The following SPHK1 variants were observed in gnomAD, a reference collection of about 807,000 sequenced individuals.
SPHK1 encodes the protein sphingosine kinase 1.
SPHK1 carries 10 observed loss-of-function variants against 14.6 expected under a neutral mutation model. That is an observed-to-expected ratio of 0.68 (90% CI 0.42 to 1.16). The LOEUF is 1.16. SPHK1 is among the 50% of genes most tolerant of loss of function. The pLI, the probability that SPHK1 is intolerant of heterozygous loss-of-function variation, is 0.00. For synonymous variants in SPHK1, 274 were observed against 224.0 expected, an observed-to-expected ratio of 1.22 and a Z score of -1.99; for missense variants, 553 against 525.4, an observed-to-expected ratio of 1.05 and a Z score of -0.51.
rs2071966757 is a variant in SPHK1, at chr17:76,385,839, A to G, written c.11-146A>G. The G allele has an allele frequency of 2.7e-6, 4 of 1,466,626 alleles. No individual in the cohort carries two copies. Among genetic ancestry groups the G allele is most frequent in the South Asian group, 1.3e-5 (1 of 79,664 alleles). The allele number at this position is 1,466,626 out of a possible 1,614,324, so 90.9% of individuals were successfully genotyped here. On this transcript the variant is annotated intron_variant, in intron 2 of 5. Transcript: ENST00000592299. The surrounding 1 kb of genome is among the most constrained non-coding windows in gnomAD (Gnocchi z 5.3). ...GGCAGGGGCGCCGCGTCCCCACCCC[A>G]GGTCTCCCAGCAAAGGCCGCTCCTC...
In SPHK1 at chr17:76,387,572, G is replaced by A. The variant is rs139541401; in HGVS notation, c.1141G>A (p.Glu381Lys). 4.8e-5 allele frequency: 77 copies of A among 1,595,780 alleles called. No homozygotes were observed. The highest frequency in any genetic ancestry group is 6.3e-5 in the Non-Finnish European group (74 of 1,173,796). Residue 381 changes from glutamate (E) to lysine (K), a missense_variant, in exon 6 of 6, where the codon GAA (glutamate) becomes AAA (lysine). Transcript: ENST00000592299. The surrounding 1 kb of genome is among the most constrained non-coding windows in gnomAD (Gnocchi z 4.1). ...GAAGCCCCAGCAGATGCCACCGCCAGAAGAGCCCTTATGACCCCTGGGCCG... is the reference window on the plus strand; with the variant it reads ...GAAGCCCCAGCAGATGCCACCGCCAAAAGAGCCCTTATGACCCCTGGGCCG... Reference protein sequence around the residue: ...SWKPQQMPPPEEPL With the variant: ...SWKPQQMPPPKEPL
chr17:76,384,219 C>G (rs1050608601), upstream of SPHK1: 1 of 154,164 alleles, frequency 6.5e-6, no homozygotes, highest in African/African-American at 2.4e-5. Flanking sequence ...CAAGGGTCCC[C>G]CGGGAGAGCG....
upstream of SPHK1, chr17:76,384,373 C>T (rs1399426209): frequency 5.3e-5 from 8 of 150,960 alleles, no homozygotes; most frequent in South Asian, 6.2e-4. Flanking sequence ...CCTGCCGCCT[C>T]AGCTCACCCG....
rs1413799067 is a variant in SPHK1 at position 76,385,254 on chromosome 17, G to T, written c.-194-197G>T. 1.3e-6 allele frequency: 2 copies of T among 1,519,204 alleles called. No homozygotes were observed. The highest frequency in any genetic ancestry group is 1.2e-5 in the South Asian group (1 of 81,100). 94.1% of individuals were successfully genotyped at this position (1,519,204 alleles called of 1,614,324 possible). Reference sequence around the variant, plus strand: ...CCGAACCCCAAGCCCCAGGGAGAAAGCCCCGGAGCAGGCGCCCTTCTCAGG... The same window carrying T: ...CCGAACCCCAAGCCCCAGGGAGAAATCCCCGGAGCAGGCGCCCTTCTCAGG... On this transcript the variant is annotated intron_variant, in intron 1 of 5. Transcript: ENST00000592299. The surrounding 1 kb of genome is among the most constrained non-coding windows in gnomAD (Gnocchi z 5.3).
In SPHK1 at chr17:76,387,229, G is replaced by A. The variant is rs780312685; in HGVS notation, c.798G>A (p.Ser266=). ...TGCTAGTCCTGGCACTGCTGCACTC[G>A]CACCTGGGCAGTGAGATGTTTGCTG... ...DFVLVLALLH[S]HLGSEMFAAP... The change falls in exon 6 of 6, where the codon TCG becomes TCA. Residue 266 remains serine (S), a synonymous_variant. Coordinates refer to ENST00000592299, the MANE Select transcript of SPHK1 (RefSeq NM_001142601.2). This position sits in a 1 kb window ranked among gnomAD's most constrained non-coding sequence, Gnocchi z 4.1. 3.1e-6 allele frequency: 5 copies of A among 1,612,904 alleles called. No homozygotes were observed. Among genetic ancestry groups the A allele is most frequent in the Admixed American group, 3.3e-5 (2 of 59,908 alleles).
upstream of SPHK1, chr17:76,384,021 G>A (rs961312546): frequency 1.8e-4 from 72 of 404,768 alleles, no homozygotes; most frequent in Middle Eastern, 2.9e-3. Context: ...AACCTCCGTG[G>A]GAGCGCGGGG....
chr17:76,385,859 C>T lies in SPHK1; in HGVS notation c.11-126C>T. On this transcript the variant is annotated intron_variant, in intron 2 of 5. Transcript: ENST00000592299. This position sits in a 1 kb window ranked among gnomAD's most constrained non-coding sequence, Gnocchi z 5.3. The stretch of plus-strand genomic sequence containing the variant: ...ACCCCAGGTCTCCCAGCAAAGGCCG[C>T]TCCTCTGGCCAGGGTCAATTACCGG... The T allele has an allele frequency of 1.3e-6, 2 of 1,481,738 alleles. No homozygotes were observed. The highest frequency in any genetic ancestry group is 9.0e-7 in the Non-Finnish European group (1 of 1,109,050). The allele number at this position is 1,481,738 out of a possible 1,614,324, so 91.8% of individuals were successfully genotyped here. A position where few individuals can be genotyped will look rare whatever the true frequency, so the allele number is the denominator to read the frequency against.
rs2071937172 is a variant in SPHK1 at position 76,385,039 on chromosome 17, C to T, written c.-195+233C>T. 3 of 1,519,092 alleles carry T rather than the reference C, an allele frequency of 2.0e-6. No homozygotes were observed. The highest frequency in any genetic ancestry group is 1.8e-6 in the Non-Finnish European group (2 of 1,127,630). 94.1% of individuals were successfully genotyped at this position (1,519,092 alleles called of 1,614,324 possible). A position where few individuals can be genotyped will look rare whatever the true frequency, so the allele number is the denominator to read the frequency against. On this transcript the variant is annotated intron_variant, in intron 1 of 5. Transcript: ENST00000592299. This position sits in a 1 kb window ranked among gnomAD's most constrained non-coding sequence, Gnocchi z 5.3. ...CGCGGCTCCCACCGCTCTGGAGCTC[C>T]GGGCAGGGGACACGGCAACCTGGAT... is the stretch of plus-strand genomic sequence containing the variant.
In SPHK1 at chr17:76,386,301, G is replaced by C. The variant is rs748242677; in HGVS notation, c.244G>C (p.Gly82Arg). The change falls in exon 4 of 6, where the codon GGG becomes CGG. Residue 82 changes from glycine to arginine, a missense_variant. By Grantham distance (125) the Gly-to-Arg change is moderately radical (BLOSUM62 -2). Coordinates refer to ENST00000592299, the MANE Select transcript of SPHK1 (RefSeq NM_001142601.2). This position sits in a 1 kb window ranked among gnomAD's most constrained non-coding sequence, Gnocchi z 5.3. ...CGCTCTGGTGGTCATGTCTGGAGACGGGCTGATGCACGAGGTGAGGACCGC... is the reference window on the plus strand; with the variant it reads ...CGCTCTGGTGGTCATGTCTGGAGACCGGCTGATGCACGAGGTGAGGACCGC... The part of the protein sequence containing the change: ...WDALVVMSGD[G>R]LMHEVVNGLM... The C allele has an allele frequency of 3.1e-6, 5 of 1,603,906 alleles. No individual in the cohort carries two copies. Among genetic ancestry groups the C allele is most frequent in the South Asian group, 1.1e-5 (1 of 90,852 alleles).
Position 76,386,679 on chromosome 17 carries a change from C to T in SPHK1, c.375-127C>T. 1 of 1,237,292 alleles carries T rather than the reference C, an allele frequency of 8.1e-7. No homozygotes were observed. The highest frequency in any genetic ancestry group is 1.1e-6 in the Non-Finnish European group (1 of 896,080). The allele number at this position is 1,237,292 out of a possible 1,614,324, so 76.6% of individuals were successfully genotyped here. A position where few individuals can be genotyped will look rare whatever the true frequency, so the allele number is the denominator to read the frequency against. ...GACTGCTTCCATTTGCTCCATCTGT[C>T]ACCTACCAGTCCTGCCAACTCCCCA... On this transcript the variant is annotated intron_variant, in intron 5 of 5. Transcript: ENST00000592299. This position sits in a 1 kb window ranked among gnomAD's most constrained non-coding sequence, Gnocchi z 5.3.
In SPHK1 at chr17:76,385,378, G is replaced by A; in HGVS notation, c.-194-73G>A. 6.9e-7 allele frequency: 1 copy of A among 1,454,616 alleles called. No individual in the cohort carries two copies. The highest frequency in any genetic ancestry group is 9.0e-7 in the Non-Finnish European group (1 of 1,106,762). The allele number at this position is 1,454,616 out of a possible 1,614,324, so 90.1% of individuals were successfully genotyped here. A position where few individuals can be genotyped will look rare whatever the true frequency, so the allele number is the denominator to read the frequency against. On this transcript the variant is annotated intron_variant, in intron 1 of 5. Transcript: ENST00000592299. The surrounding 1 kb of genome is among the most constrained non-coding windows in gnomAD (Gnocchi z 5.3). ...CCTGGCTCCCCGCGCGTGGTCCCGG[G>A]ATTTAGTCGGGCGCTCCCCACCTCT...
Position 76,386,084 on chromosome 17 carries a change from A to G in SPHK1, c.110A>G (p.His37Arg), listed in dbSNP as rs1203708008. Residue 37 changes from histidine (H) to arginine (R), a missense_variant, in exon 3 of 6, where the codon CAC becomes CGC. His to Arg is a conservative substitution (Grantham distance 29, BLOSUM62 0). Coordinates refer to ENST00000592299, the MANE Select transcript of SPHK1 (RefSeq NM_001142601.2). This position sits in a 1 kb window ranked among gnomAD's most constrained non-coding sequence, Gnocchi z 5.3. ...AAGGCCTTGCAGCTCTTCCGGAGTC[A>G]CGTGCAGCCCCTTTTGGCTGAGGCT... ...KGKALQLFRS[H>R]VQPLLAEAEI... 6.2e-7 allele frequency: 1 copy of G among 1,605,692 alleles called. No homozygotes were observed. Among genetic ancestry groups the G allele is most frequent in the African/African-American group, 1.3e-5 (1 of 74,748 alleles).
Position 76,386,466 on chromosome 17 carries a change from G to A in SPHK1, c.332G>A (p.Gly111Asp), listed in dbSNP as rs779075075. 1.9e-6 allele frequency: 3 copies of A among 1,612,872 alleles called. No individual in the cohort carries two copies. Among genetic ancestry groups the A allele is most frequent in the Non-Finnish European group, 1.7e-6 (2 of 1,179,978 alleles). ...IQKPLCSLPA[G>D]SGNALAASLN... ...AAGCCCCTGTGTAGCCTCCCAGCAG[G>A]CTCTGGCAACGCGCTGGCAGCTTCC... Residue 111 changes from glycine (G) to aspartate (D), a missense_variant, in exon 5 of 6, where the codon GGC (glycine) becomes GAC (aspartate). By Grantham distance (94) the Gly-to-Asp change is moderately conservative. Coordinates refer to ENST00000592299, the MANE Select transcript of SPHK1 (RefSeq NM_001142601.2). This position sits in a 1 kb window ranked among gnomAD's most constrained non-coding sequence, Gnocchi z 5.3.
upstream of SPHK1, chr17:76,383,699 G>A (rs1212414452): frequency 5.6e-6 from 3 of 534,866 alleles, no homozygotes; most frequent in Non-Finnish European, 9.1e-6. Context: ...AGGTGCTCGC[G>A]GACACGTTCT....
At chr17:76,384,943 G>A in intron 1 of SPHK1, 137 bp downstream of exon 1, 3 of 768,210 alleles carry the variant, frequency 3.9e-6, no homozygotes, top group Middle Eastern at 4.1e-4. Context: ...CTTGGCTTTG[G>A]CGCGACCCGG....
Position 76,387,578 on chromosome 17 carries a change from C to A in SPHK1, c.1147C>A (p.Pro383Thr). ...KPQQMPPPEE[P>T]L ...CCAGCAGATGCCACCGCCAGAAGAGCCCTTATGACCCCTGGGCCGCGCTGT... is the reference window on the plus strand; with the variant it reads ...CCAGCAGATGCCACCGCCAGAAGAGACCTTATGACCCCTGGGCCGCGCTGT... The change falls in exon 6 of 6, where the codon CCC (proline) becomes ACC (threonine). Residue 383 changes from proline (P) to threonine (T), a missense_variant. Coordinates refer to ENST00000592299, the MANE Select transcript of SPHK1 (RefSeq NM_001142601.2). This position sits in a 1 kb window ranked among gnomAD's most constrained non-coding sequence, Gnocchi z 4.1. 1.9e-6 allele frequency: 3 copies of A among 1,588,670 alleles called. No individual in the cohort carries two copies. The highest frequency in any genetic ancestry group is 1.7e-6 in the Non-Finnish European group (2 of 1,171,086).
chr17:76,387,514 G>C lies in SPHK1; in HGVS notation c.1083G>C (p.Met361Ile), dbSNP rs1227065148. ...AGGTGCACCCAAACTACTTCTGGAT[G>C]GTCAGCGGTTGCGTGGAGCCCCCGC... The part of the protein sequence containing the change: ...QGQVHPNYFW[M>I]VSGCVEPPPS... Residue 361 changes from methionine to isoleucine, a missense_variant, in exon 6 of 6, where the codon ATG (methionine) becomes ATC (isoleucine). Physicochemically the swap from Met to Ile is conservative, Grantham distance 10 (BLOSUM62 1). Transcript: ENST00000592299. This position sits in a 1 kb window ranked among gnomAD's most constrained non-coding sequence, Gnocchi z 4.1. The C allele has an allele frequency of 2.5e-6, 4 of 1,612,214 alleles. No individual in the cohort carries two copies. The African/African-American group carries it at 4.0e-5, about 16-fold the overall frequency.
In SPHK1 at chr17:76,385,602, A is replaced by G. The variant is rs1391178881; in HGVS notation, c.-43A>G. 1.3e-6 allele frequency: 2 copies of G among 1,539,842 alleles called. No individual in the cohort carries two copies. The highest frequency in any genetic ancestry group is 1.9e-5 in the Admixed American group (1 of 51,378). ...CCGCCGCCACGGGCAGCGCCCCCAC[A>G]GCGCCAGGGACCCCCTGGCAGCGGG... On this transcript the variant is annotated 5_prime_UTR_variant, in exon 2 of 6. Coordinates refer to ENST00000592299, the MANE Select transcript of SPHK1 (RefSeq NM_001142601.2). This position sits in a 1 kb window ranked among gnomAD's most constrained non-coding sequence, Gnocchi z 5.3.
chr17:76,386,921 T>A lies in SPHK1; in HGVS notation c.490T>A (p.Phe164Ile), dbSNP rs756433522. The change falls in exon 6 of 6, where the codon TTC becomes ATC. Residue 164 changes from phenylalanine (F) to isoleucine (I), a missense_variant. By Grantham distance (21) the Phe-to-Ile change is conservative. Coordinates refer to ENST00000592299, the MANE Select transcript of SPHK1 (RefSeq NM_001142601.2). The surrounding 1 kb of genome is among the most constrained non-coding windows in gnomAD (Gnocchi z 5.3). ...SLHTASGLRL[F>I]SVLSLAWGFI... ...GCACACGGCTTCGGGGCTGCGCCTC[T>A]TCTCTGTGCTCAGCCTGGCCTGGGG... The A allele has an allele frequency of 6.2e-7, 1 of 1,613,114 alleles. No homozygotes were observed. The highest frequency in any genetic ancestry group is 8.5e-7 in the Non-Finnish European group (1 of 1,179,626).
Sources: gnomAD v4.1 joint callset for allele counts on GRCh38, gnomAD v4.1.1 for gene constraint, Gnocchi (gnomAD v3.1) non-coding constraint, MANE v1.5 for transcripts, NCBI Gene and HGNC (gene_info 2026-07-23, HGNC 2026-07-21) for gene names.